PLPP4: variants seen among roughly 807,000 people sequenced by gnomAD.
PLPP4 encodes diacylglycerol pyrophosphate like 2.
A neutral mutation model predicts 32.2 loss-of-function variants in PLPP4; 20 were observed. The observed-to-expected ratio is 0.62, with a 90% confidence interval of 0.44 to 0.90. The LOEUF is 0.90. PLPP4 is among the 40% of genes least tolerant of loss of function. PLPP4 has a pLI of 0.00. For missense variants in PLPP4, 257 were observed against 353.1 expected, an observed-to-expected ratio of 0.73 and a Z score of 2.18; for synonymous variants, 127 against 133.0, an observed-to-expected ratio of 0.95 and a Z score of 0.31.
At chr10:120,458,989 G>A (rs1847918298) in intron 1 of PLPP4, among the ~76,000 whole-genome samples, 1 of 152,046 alleles carries the variant, frequency 6.6e-6, no homozygotes, top group South Asian at 2.1e-4. Context: ...TGCTGCTGGG[G>A]GTGCTCAGAT....
At chr10:120,569,220 A>G (rs897145003) in intron 5 of PLPP4, among the ~76,000 whole-genome samples, 27 of 150,350 alleles carry the variant, frequency 1.8e-4, no homozygotes, top group African/African-American at 6.4e-4. Context: ...GCCTGGGGTA[A>G]AGAGTGAGAC....
intron 6 of PLPP4, 85 bp from the exon 7 acceptor site, chr10:120,589,218 A>G: frequency 7.3e-7 from 1 of 1,364,360 alleles, no homozygotes; most frequent in East Asian, 2.3e-5. Context: ...TAGAACAGGA[A>G]GGAAAAGTGC....
At chr10:120,500,442 T>G (rs1845189392) in intron 1 of PLPP4, among the ~76,000 whole-genome samples, 1 of 152,106 alleles carries the variant, frequency 6.6e-6, no homozygotes, top group African/African-American at 2.4e-5. Flanking sequence ...TTTTCTATAG[T>G]AAGAACTTGC....
At chr10:120,458,660 CA>C (rs1239601059) in intron 1 of PLPP4, among the ~76,000 whole-genome samples, 1 of 152,170 alleles carries the variant, frequency 6.6e-6, no homozygotes, top group African/African-American at 2.4e-5. Flanking sequence ...TCTGCCCGAA[CA>C]CTGGTGTTAT....
intron 1 of PLPP4, among the ~76,000 whole-genome samples, chr10:120,486,387 A>G (rs976929450): frequency 2.6e-5 from 4 of 152,012 alleles, no homozygotes; most frequent in African/African-American, 4.8e-5. Context: ...ATTAGCTAGT[A>G]TGAACATGGG....
intron 5 of PLPP4, among the ~76,000 whole-genome samples, chr10:120,558,757 A>AT (rs1375866712): frequency 6.6e-6 from 1 of 151,906 alleles, no homozygotes. Flanking sequence ...ACTTTAAGCC[A>AT]TGACTATACC....
chr10:120,499,638 C>G (rs938969710), intron 1 of PLPP4, among the ~76,000 whole-genome samples: 8 of 152,116 alleles, frequency 5.3e-5, no homozygotes, highest in African/African-American at 1.9e-4. Context: ...ATCTACAGAT[C>G]GGCAGCGTGG....
intron 5 of PLPP4, among the ~76,000 whole-genome samples, chr10:120,528,349 C>G (rs1239866724): frequency 6.6e-6 from 1 of 152,136 alleles, no homozygotes; most frequent in Admixed American, 6.5e-5. Flanking sequence ...GCTGGGATTA[C>G]AGACGTGAGC....
chr10:120,580,642 T>TAC (rs59076083), intron 6 of PLPP4, among the ~76,000 whole-genome samples: 11,098 of 95,608 alleles, frequency 0.12, 488 homozygotes, highest in Non-Finnish European at 0.12. Context: ...CTCTGTCTCT[T>TAC]ACACACACAC....
At chr10:120,503,964 C>G in intron 2 of PLPP4, 38 bp downstream of exon 2, 2 of 1,380,738 alleles carry the variant, frequency 1.4e-6, no homozygotes, top group Non-Finnish European at 2.1e-6. Flanking sequence ...TGACTGCTCT[C>G]TCAAAGATGA....
chr10:120,499,245 C>T (rs977001568), intron 1 of PLPP4, among the ~76,000 whole-genome samples: 7 of 152,292 alleles, frequency 4.6e-5, no homozygotes, highest in South Asian at 2.1e-4. Context: ...TAGTCCTCTA[C>T]GCTGAATGGC....
intron 1 of PLPP4, among the ~76,000 whole-genome samples, chr10:120,482,443 T>C (rs922111656): frequency 1.3e-5 from 2 of 152,148 alleles, no homozygotes; most frequent in African/African-American, 4.8e-5. Flanking sequence ...TAGAGATTTG[T>C]GGAACTTAGA....
chr10:120,553,479 A>G (rs1011457298), intron 5 of PLPP4, among the ~76,000 whole-genome samples: 1 of 152,212 alleles, frequency 6.6e-6, no homozygotes, highest in Non-Finnish European at 1.5e-5. Flanking sequence ...TGCCTTAATC[A>G]TGGACTTCCA....
chr10:120,471,497 G>A (rs1354566651), intron 1 of PLPP4, among the ~76,000 whole-genome samples: 1 of 151,574 alleles, frequency 6.6e-6, no homozygotes, highest in African/African-American at 2.4e-5. Flanking sequence ...ATTTCTATTT[G>A]TCTTTGTATT....
intron 3 of PLPP4, among the ~76,000 whole-genome samples, chr10:120,517,033 G>A (rs1318455272): frequency 6.6e-6 from 1 of 152,162 alleles, no homozygotes; most frequent in Non-Finnish European, 1.5e-5. Context: ...ACATTTTCCA[G>A]CTCAGCTATT....
At chr10:120,481,541 A>G (rs1844206330) in intron 1 of PLPP4, among the ~76,000 whole-genome samples, 1 of 152,220 alleles carries the variant, frequency 6.6e-6, no homozygotes, top group Non-Finnish European at 1.5e-5. Flanking sequence ...TGGCAACCAC[A>G]ATATCAACAG....
At chr10:120,545,911 A>G (rs1173875031) in intron 5 of PLPP4, among the ~76,000 whole-genome samples, 2 of 152,200 alleles carry the variant, frequency 1.3e-5, no homozygotes, top group Non-Finnish European at 2.9e-5. Context: ...CGGCTAGAAT[A>G]AAGCAGGCAG....
chr10:120,555,898 A>T (rs1291997008), intron 5 of PLPP4, among the ~76,000 whole-genome samples: 13 of 152,220 alleles, frequency 8.5e-5, no homozygotes, highest in Non-Finnish European at 1.8e-4. Context: ...GGATCCTTCC[A>T]AGAGAGTAAC....
chr10:120,589,326 G>A lies in PLPP4; in HGVS notation c.640G>A (p.Gly214Ser), dbSNP rs1029033900. ...WQDSFVGGVI[G>S]LIFAYICYRQ... The stretch of plus-strand genomic sequence containing the variant: ...AGATTCCTTTGTGGGTGGAGTCATC[G>A]GCCTCATTTTTGCATACATTTGCTA... The change falls in exon 7 of 7, where the codon GGC becomes AGC. Residue 214 changes from glycine to serine, a missense_variant. Gly to Ser is a moderately conservative substitution (Grantham distance 56). Coordinates refer to ENST00000398250, the MANE Select transcript of PLPP4 (RefSeq NM_001030059.3). The A allele has an allele frequency of 4.3e-6, 7 of 1,614,088 alleles. No individual in the cohort carries two copies. Among genetic ancestry groups the A allele is most frequent in the Non-Finnish European group, 5.9e-6 (7 of 1,180,018 alleles).
Sources: allele counts gnomAD v4.1 joint callset (sites outside exome capture counted in the v4.1 genomes callset), GRCh38; gene constraint gnomAD v4.1.1; transcripts MANE v1.5; gene names NCBI Gene and HGNC (gene_info 2026-07-23, HGNC 2026-07-21).